The following MALRD1 variants were observed in gnomAD, a reference collection of about 807,000 sequenced individuals.
MALRD1 encodes MAM and LDL receptor class A domain containing 1.
MALRD1 carries 247 observed loss-of-function variants against 242.1 expected under a neutral mutation model. The ratio of observed to expected loss-of-function variants is 1.02; its 90% CI spans 0.92 to 1.13. MALRD1 has a LOEUF of 1.13. Among genes scored for constraint, MALRD1 ranks in the 50% most tolerant of loss-of-function variants. The pLI, the probability that MALRD1 is intolerant of heterozygous loss-of-function variation, is 0.00. For missense variants in MALRD1, 2,989 were observed against 2,533.1 expected (o/e 1.18, Z -3.86); for synonymous variants, 995 against 866.6 (o/e 1.15, Z -2.60).
intron 26 of MALRD1, among the ~76,000 whole-genome samples, chr10:19,382,769 A>G (rs767198204): frequency 7.2e-5 from 11 of 152,174 alleles, no homozygotes; most frequent in Non-Finnish European, 1.3e-4. Context: ...AGGAGCTGTT[A>G]GTATACTAGA....
At chr10:19,384,906 T>C (rs996755788) in intron 26 of MALRD1, among the ~76,000 whole-genome samples, 1 of 151,430 alleles carries the variant, frequency 6.6e-6, no homozygotes, top group African/African-American at 2.4e-5. Context: ...TTGAGCTTTT[T>C]ATATATGACC....
chr10:19,614,759 A>C (rs1839062395), intron 35 of MALRD1, among the ~76,000 whole-genome samples: 1 of 152,018 alleles, frequency 6.6e-6, no homozygotes, highest in Non-Finnish European at 1.5e-5. Context: ...AGAGTGACAC[A>C]AGCAGTGAAA....
chr10:19,087,695 A>G (rs1835718422), intron 2 of MALRD1, 145 bp from the exon 3 acceptor site: 3 of 414,788 alleles, frequency 7.2e-6, no homozygotes, highest in Admixed American at 8.9e-5. Context: ...TTTATGTTAC[A>G]AACAATCCAA....
intron 38 of MALRD1, among the ~76,000 whole-genome samples, chr10:19,727,693 T>C (rs1564573645): frequency 6.6e-6 from 1 of 152,066 alleles, no homozygotes. Context: ...ACAACTCACT[T>C]ATTCATTGGG....
chr10:19,530,334 T>TTTATATAAATATATAATTATATA (rs1554793375), intron 31 of MALRD1, among the ~76,000 whole-genome samples: 2 of 34,616 alleles, frequency 5.8e-5, no homozygotes, highest in Admixed American at 4.6e-4. Flanking sequence ...TATAAATATA[T>TTTATATAAATATATAATTATATA]AATATTTATA....
chr10:19,351,955 TATTA>T, intron 25 of MALRD1, 47 bp from the exon 26 acceptor site: 1 of 1,376,926 alleles, frequency 7.3e-7, no homozygotes, highest in South Asian at 1.4e-5. Flanking sequence ...AATAATATCA[TATTA>T]ATTATACTAA....
chr10:19,195,648 G>C (rs1405034072), intron 14 of MALRD1, among the ~76,000 whole-genome samples: 1 of 152,110 alleles, frequency 6.6e-6, no homozygotes, highest in African/African-American at 2.4e-5. Context: ...CCATTCTTCA[G>C]TTGCTACAGG....
At chr10:19,608,238 A>G (rs1838729913) in intron 35 of MALRD1, among the ~76,000 whole-genome samples, 1 of 152,002 alleles carries the variant, frequency 6.6e-6, no homozygotes. Flanking sequence ...ACCCTATACA[A>G]TCTAGTACTA....
rs113756414 is a variant in MALRD1, at chr10:19,729,592, C to CGTGTGTGTGTGTGT, written c.6315-1105_6315-1092dup. ...TACACATGTGTGTATAGGATCCTTT[C>CGTGTGTGTGTGTGT]GTGTGTGTGTGTGTGTGTGTGTATT... On this transcript the variant is annotated intron_variant, in intron 38 of 39. Coordinates refer to ENST00000454679, the MANE Select transcript of MALRD1 (RefSeq NM_001142308.3). Among the ~76,000 whole-genome samples, 745 of 144,300 alleles carry CGTGTGTGTGTGTGT rather than the reference C, an allele frequency of 5.2e-3. 8 individuals are homozygous for CGTGTGTGTGTGTGT. Among genetic ancestry groups the CGTGTGTGTGTGTGT allele is most frequent in the East Asian group, 0.029 (141 of 4,806 alleles). 94.7% of individuals were successfully genotyped at this position (144,300 alleles called of 152,430 possible).
chr10:19,721,429 G>A (rs956611849), intron 38 of MALRD1, among the ~76,000 whole-genome samples: 1 of 151,978 alleles, frequency 6.6e-6, no homozygotes, highest in Non-Finnish European at 1.5e-5. Flanking sequence ...AATGCAATAG[G>A]CATGACTCAG....
At chr10:19,282,706 G>T (rs1013883855) in intron 20 of MALRD1, among the ~76,000 whole-genome samples, 1 of 152,160 alleles carries the variant, frequency 6.6e-6, no homozygotes, top group Non-Finnish European at 1.5e-5. Flanking sequence ...GATCATGCAA[G>T]CAATGAAATT....
At chr10:19,699,380 G>A (rs1589417283) in intron 38 of MALRD1, among the ~76,000 whole-genome samples, 2 of 151,400 alleles carry the variant, frequency 1.3e-5, no homozygotes, top group African/African-American at 4.9e-5. Context: ...CACGGAAGAC[G>A]TGAAAGCTGG....
At chr10:19,688,966 C>T (rs1842709467) in intron 36 of MALRD1, among the ~76,000 whole-genome samples, 1 of 152,214 alleles carries the variant, frequency 6.6e-6, no homozygotes, top group Admixed American at 6.5e-5. Flanking sequence ...TCTCCTCCCC[C>T]TCCACCTTTA....
intron 22 of MALRD1, among the ~76,000 whole-genome samples, chr10:19,325,588 C>T (rs923037834): frequency 1.3e-5 from 2 of 152,044 alleles, no homozygotes; most frequent in Non-Finnish European, 2.9e-5. Context: ...GAAGCCAACT[C>T]AATTTTGGAG....
Position 19,170,342 on chromosome 10 carries a change from T to C in MALRD1, c.1830+4532T>C, listed in dbSNP as rs190413152. Among the ~76,000 whole-genome samples, 67 of 152,342 alleles carry C rather than the reference T, an allele frequency of 4.4e-4. 1 individual carries two copies. The South Asian group carries it at 0.011, about 25-fold the overall frequency. ...CTGTTTTAGTATCTCAAGGTGGCAC[T>C]TTTTCTGAGTAGTCCATTGATTTCA... On this transcript the variant is annotated intron_variant, in intron 13 of 39. Transcript: ENST00000454679.
chr10:19,285,651 T>C (rs943950483), intron 21 of MALRD1, among the ~76,000 whole-genome samples: 2 of 141,722 alleles, frequency 1.4e-5, no homozygotes, highest in African/African-American at 2.7e-5. Flanking sequence ...TTTTGGTTAC[T>C]GTAGCCTTGT....
intron 4 of MALRD1, among the ~76,000 whole-genome samples, chr10:19,100,003 C>T (rs557506111): frequency 3.9e-5 from 6 of 152,030 alleles, no homozygotes; most frequent in South Asian, 2.1e-4. Context: ...TCAGGTGATC[C>T]GCCTGCCTTG....
intron 31 of MALRD1, among the ~76,000 whole-genome samples, chr10:19,515,233 A>G (rs1833573184): frequency 6.6e-6 from 1 of 152,172 alleles, no homozygotes; most frequent in African/African-American, 2.4e-5. Flanking sequence ...TACATGTATG[A>G]ATTCAAATAA....
At chr10:19,302,496 C>T (rs1440638507) in intron 21 of MALRD1, among the ~76,000 whole-genome samples, 2 of 151,738 alleles carry the variant, frequency 1.3e-5, no homozygotes, top group East Asian at 1.9e-4. Context: ...CATGGATGAA[C>T]GTTGAGAACA....
Sources: gnomAD v4.1 joint callset for allele counts (sites outside exome capture counted in the v4.1 genomes callset) on GRCh38, gnomAD v4.1.1 for gene constraint, MANE v1.5 for transcripts, NCBI Gene and HGNC (gene_info 2026-07-23, HGNC 2026-07-21) for gene names.